The following RHBDD1 variants were observed in gnomAD, a reference collection of about 807,000 sequenced individuals.
RHBDD1 encodes the protein rhomboid-related protein 4.
RHBDD1 carries 38 observed loss-of-function variants against 36.3 expected under a neutral mutation model. That is an observed-to-expected ratio of 1.05 (90% CI 0.81 to 1.37). The LOEUF (loss-of-function observed/expected upper bound fraction) is 1.37, where lower values mean the gene tolerates loss of function less well. RHBDD1 is among the 40% of genes most tolerant of loss of function. The pLI is 0.00. For missense variants in RHBDD1, 393 were observed against 377.6 expected (o/e 1.04, Z -0.34); for synonymous variants, 151 against 136.5 (o/e 1.11, Z -0.74).
chr2:226,807,697 A>G, the RHBDD1 span: 4 of 152,370 alleles, frequency 2.6e-5, no homozygotes, highest in African/African-American at 9.6e-5. Context: ...AACAGTGGAC[A>G]CAATCATAAG....
At chr2:226,938,471 A>C (rs1170358599) in intron 8 of RHBDD1, among the ~76,000 whole-genome samples, 3 of 152,168 alleles carry the variant, frequency 2.0e-5, no homozygotes, top group Non-Finnish European at 2.9e-5. Flanking sequence ...AAGTACAAAC[A>C]ATAATCAGAG....
the RHBDD1 span, among the ~76,000 whole-genome samples, chr2:226,811,829 T>C: frequency 1.3e-5 from 2 of 152,266 alleles, no homozygotes; most frequent in Non-Finnish European, 2.9e-5. Flanking sequence ...TTTGCATTTA[T>C]TGATTGCTAC....
chr2:226,950,284 A>G (rs1479447292), intron 8 of RHBDD1, among the ~76,000 whole-genome samples: 1 of 152,336 alleles, frequency 6.6e-6, no homozygotes, highest in South Asian at 2.1e-4. Flanking sequence ...AAGTGAGATC[A>G]TACAGTATTT....
At chr2:226,859,534 A>G (rs959066758) in intron 3 of RHBDD1, among the ~76,000 whole-genome samples, 1 of 152,178 alleles carries the variant, frequency 6.6e-6, no homozygotes, top group African/African-American at 2.4e-5. Context: ...GGATGAGTGC[A>G]TTTACTAAGC....
chr2:226,945,749 G>A (rs535418420), intron 8 of RHBDD1, among the ~76,000 whole-genome samples: 2 of 152,194 alleles, frequency 1.3e-5, no homozygotes, highest in South Asian at 4.2e-4. Context: ...TTCCACAATG[G>A]TTGAACTAAT....
chr2:226,867,347 T>G (rs1944425907), intron 5 of RHBDD1, 29 bp downstream of exon 5: 1 of 1,595,780 alleles, frequency 6.3e-7, no homozygotes, highest in Non-Finnish European at 8.5e-7. Flanking sequence ...GGAATACAGT[T>G]GAAGGACCTG....
At chr2:226,813,085 C>T in the RHBDD1 span, among the ~76,000 whole-genome samples, 3 of 152,100 alleles carry the variant, frequency 2.0e-5, no homozygotes, top group Admixed American at 6.5e-5. Flanking sequence ...CTTTTGCATC[C>T]CTGTGCTAAA....
chr2:226,936,238 A>T (rs1950320875), intron 8 of RHBDD1, among the ~76,000 whole-genome samples: 1 of 152,128 alleles, frequency 6.6e-6, no homozygotes, highest in Non-Finnish European at 1.5e-5. Flanking sequence ...ATGTATCTAG[A>T]TGTGAAATTT....
At chr2:226,955,051 A>G (rs1951698198) in intron 8 of RHBDD1, among the ~76,000 whole-genome samples, 1 of 151,964 alleles carries the variant, frequency 6.6e-6, no homozygotes, top group Non-Finnish European at 1.5e-5. Context: ...CCAAGCAGTG[A>G]GTCAGGCAGT....
the RHBDD1 span, chr2:226,807,685 A>C: frequency 2.0e-5 from 3 of 152,380 alleles, no homozygotes; most frequent in African/African-American, 4.8e-5. Flanking sequence ...GCTTAGTGAA[A>C]TAACAGTGGA....
At chr2:226,982,389 T>C (rs1258148549) in intron 8 of RHBDD1, among the ~76,000 whole-genome samples, 1 of 152,260 alleles carries the variant, frequency 6.6e-6, no homozygotes, top group East Asian at 1.9e-4. Context: ...GTTTTTGTAA[T>C]TATGCATTGA....
chr2:226,831,547 C>T (rs995653619), upstream of RHBDD1, among the ~76,000 whole-genome samples: 4 of 152,124 alleles, frequency 2.6e-5, no homozygotes. Context: ...CAAGAAAGGC[C>T]AAGGATTGCT....
intron 8 of RHBDD1, among the ~76,000 whole-genome samples, chr2:226,986,838 C>T (rs1483292410): frequency 2.6e-5 from 4 of 152,162 alleles, no homozygotes; most frequent in Non-Finnish European, 5.9e-5. Flanking sequence ...GGTATATACC[C>T]AAAGGACTAT....
chr2:226,834,786 GA>G (rs1228666301), upstream of RHBDD1, among the ~76,000 whole-genome samples: 1 of 151,716 alleles, frequency 6.6e-6, no homozygotes, highest in Non-Finnish European at 1.5e-5. Flanking sequence ...CAAATAGTAA[GA>G]TTTTTTTTTT....
chr2:226,990,004 A>G (rs1462452081), intron 8 of RHBDD1, among the ~76,000 whole-genome samples: 1 of 152,222 alleles, frequency 6.6e-6, no homozygotes, highest in East Asian at 1.9e-4. Flanking sequence ...CTCTAAAGTC[A>G]CATCTAAATA....
intron 8 of RHBDD1, among the ~76,000 whole-genome samples, chr2:226,993,913 T>C (rs1243771652): frequency 6.6e-6 from 1 of 152,204 alleles, no homozygotes; most frequent in Non-Finnish European, 1.5e-5. Flanking sequence ...TTTGAAAAGG[T>C]GCCACTCTTG....
At position 226,906,859 on chromosome 2, in the gene RHBDD1, GA is replaced by G. The variant is rs1368881180; in HGVS notation, c.637del (p.Ile213SerfsTer56). ...TAATGTACACTCAAGGGCCTCTGAA[GA>G]AAATCATGGAAGCATGTGCAGGTAC... ...GLMYTQGPLK[K>X]IMEACAGGFS... On this transcript the variant is annotated frameshift_variant, in exon 6 of 9. Coordinates refer to ENST00000392062, the MANE Select transcript of RHBDD1 (RefSeq NM_001167608.3). LOFTEE classifies it high-confidence loss of function. The G allele has an allele frequency of 6.8e-6, 11 of 1,614,028 alleles. No individual in the cohort carries two copies. The highest frequency in any genetic ancestry group is 1.3e-5 in the African/African-American group (1 of 74,924).
At chr2:226,886,383 A>G (rs1946205163) in intron 5 of RHBDD1, among the ~76,000 whole-genome samples, 2 of 152,220 alleles carry the variant, frequency 1.3e-5, no homozygotes, top group African/African-American at 4.8e-5. Flanking sequence ...TGGAGTGGGC[A>G]GCAAGGAAAG....
the RHBDD1 span, among the ~76,000 whole-genome samples, chr2:226,803,357 A>G: frequency 6.6e-6 from 1 of 152,084 alleles, no homozygotes; most frequent in African/African-American, 2.4e-5. Flanking sequence ...AGAGATGTCA[A>G]ATAACAAGTG....
Sources: allele counts gnomAD v4.1 joint callset (sites outside exome capture counted in the v4.1 genomes callset), GRCh38; gene constraint gnomAD v4.1.1; transcripts MANE v1.5; gene names NCBI Gene and HGNC (gene_info 2026-07-23, HGNC 2026-07-21).